Variants in GRIK1 observed in about 807,000 individuals in gnomAD.
The protein encoded by GRIK1 is glutamate ionotropic receptor kainate type subunit 1, also known as glutamate receptor ionotropic, kainate 1.
GRIK1 carries 69 observed loss-of-function variants against 105.7 expected under a neutral mutation model. The observed-to-expected ratio is 0.65, with a 90% CI of 0.54 to 0.80. The LOEUF (loss-of-function observed/expected upper bound fraction) is 0.80. Among genes scored for constraint, GRIK1 ranks in the 30% least tolerant of loss-of-function variants. The pLI is 0.00. For missense variants in GRIK1, 1,109 were observed against 1,167.3 expected, an observed-to-expected ratio of 0.95 and a Z score of 0.73; for synonymous variants, 438 against 431.3, an observed-to-expected ratio of 1.02 and a Z score of -0.19.
At chr21:29,577,250 C>A in intron 13 of GRIK1, 69 bp from the exon 14 acceptor site, 1 of 865,682 alleles carries the variant, frequency 1.2e-6, no homozygotes, top group South Asian at 1.4e-5. Flanking sequence ...TACAGTTCGA[C>A]ACTATTCTAG....
chr21:29,580,814 C>A (rs559874137), intron 13 of GRIK1, among the ~76,000 whole-genome samples: 1 of 152,158 alleles, frequency 6.6e-6, no homozygotes, highest in South Asian at 2.1e-4. Context: ...GCTCCCCCTT[C>A]CCCCACTACA....
intron 1 of GRIK1, among the ~76,000 whole-genome samples, chr21:29,819,919 A>G (rs540556473): frequency 6.6e-6 from 1 of 152,178 alleles, no homozygotes; most frequent in Non-Finnish European, 1.5e-5. Context: ...TCTTTGTTCA[A>G]ATAGTAGCTT....
At chr21:29,866,629 A>G (rs1288320317) in intron 1 of GRIK1, among the ~76,000 whole-genome samples, 1 of 152,180 alleles carries the variant, frequency 6.6e-6, no homozygotes. Context: ...GGAAGTGAAA[A>G]CAAAAGAAGT....
chr21:29,674,235 CTT>C (rs1183697091), intron 3 of GRIK1, among the ~76,000 whole-genome samples: 2 of 147,340 alleles, frequency 1.4e-5, no homozygotes, highest in African/African-American at 5.1e-5. Flanking sequence ...TCACATTTTT[CTT>C]TTTCTTGTTT....
At chr21:29,886,429 G>A (rs988243011) in intron 1 of GRIK1, among the ~76,000 whole-genome samples, 12 of 152,020 alleles carry the variant, frequency 7.9e-5, no homozygotes, top group Non-Finnish European at 8.8e-5. Context: ...CATTGTGTTG[G>A]CTACCACTGG....
intron 1 of GRIK1, among the ~76,000 whole-genome samples, chr21:29,909,168 G>A (rs457474): frequency 6.6e-6 from 1 of 151,736 alleles, no homozygotes; most frequent in African/African-American, 2.4e-5. Flanking sequence ...ATCAAGCCAC[G>A]AAATTTTTAA....
chr21:29,884,777 GAC>G (rs2069548762), intron 1 of GRIK1, among the ~76,000 whole-genome samples: 1 of 152,010 alleles, frequency 6.6e-6, no homozygotes, highest in African/African-American at 2.4e-5. Context: ...AGTTAAAACT[GAC>G]ACTAAACCTC....
rs1037040904 is a variant in GRIK1 at position 29,594,393 on chromosome 21, A to G, written c.1251+2133T>C. ...AAGATGCCTGGACATTTGACATTTC[A>G]GTACTGTTCTACGAACTAGGAGGAG... On this transcript the variant is annotated intron_variant, in intron 9 of 17. Coordinates refer to ENST00000327783, the MANE Select transcript of GRIK1 (RefSeq NM_001330994.2). Among the ~76,000 whole-genome samples, 9 of 152,220 alleles carry G rather than the reference A, an allele frequency of 5.9e-5. 1 individual carries two copies. Among genetic ancestry groups the G allele is most frequent in the Admixed American group, 2.0e-4 (3 of 15,278 alleles).
intron 1 of GRIK1, among the ~76,000 whole-genome samples, chr21:29,799,161 C>T (rs905430476): frequency 2.6e-5 from 4 of 152,188 alleles, no homozygotes; most frequent in Non-Finnish European, 5.9e-5. Flanking sequence ...TCACATCTTC[C>T]GTCTTGGACA....
intron 1 of GRIK1, among the ~76,000 whole-genome samples, chr21:29,800,212 GC>G (rs1189033859): frequency 1.3e-5 from 2 of 152,122 alleles, no homozygotes; most frequent in Non-Finnish European, 2.9e-5. Flanking sequence ...CAAAGCACTG[GC>G]CCTTTAGCTG....
chr21:29,855,924 G>C (rs941116062), intron 1 of GRIK1, among the ~76,000 whole-genome samples: 40 of 152,262 alleles, frequency 2.6e-4, no homozygotes, highest in African/African-American at 9.6e-4. Flanking sequence ...TTGAACAACT[G>C]GGTGGTTTGA....
intron 1 of GRIK1, among the ~76,000 whole-genome samples, chr21:29,724,060 G>A (rs1404112114): frequency 6.6e-6 from 1 of 152,166 alleles, no homozygotes; most frequent in Non-Finnish European, 1.5e-5. Flanking sequence ...TTTTGGAGAT[G>A]TACATATATA....
chr21:29,644,459 G>T (rs554438864), intron 6 of GRIK1, among the ~76,000 whole-genome samples: 3 of 152,286 alleles, frequency 2.0e-5, no homozygotes, highest in South Asian at 2.1e-4. Context: ...ATTTATTTTT[G>T]TGAGAACTGT....
intron 7 of GRIK1, among the ~76,000 whole-genome samples, chr21:29,599,203 C>A (rs551062688): frequency 6.6e-6 from 1 of 152,124 alleles, no homozygotes; most frequent in African/African-American, 2.4e-5. Context: ...AAAGAATTGC[C>A]GTAAAACAGT....
intron 1 of GRIK1, among the ~76,000 whole-genome samples, chr21:29,787,532 G>T (rs1396137197): frequency 1.3e-5 from 2 of 152,150 alleles, no homozygotes; most frequent in Non-Finnish European, 2.9e-5. Flanking sequence ...AATGGACTTT[G>T]CACAGCACAA....
chr21:29,905,619 ATTTTTTTTTTTT>A (rs869179451), intron 1 of GRIK1, among the ~76,000 whole-genome samples: 1 of 72,582 alleles, frequency 1.4e-5, no homozygotes, highest in South Asian at 5.1e-4. Context: ...CAAATTTTGT[ATTTTTTTTTTTT>A]TTTTTTTTTT....
chr21:29,887,948 G>T (rs746895051), intron 1 of GRIK1, among the ~76,000 whole-genome samples: 1 of 151,762 alleles, frequency 6.6e-6, no homozygotes, highest in Non-Finnish European at 1.5e-5. Context: ...CTTTCTGTCT[G>T]CAGGAAAAAG....
intron 1 of GRIK1, among the ~76,000 whole-genome samples, chr21:29,717,814 C>T (rs768764257): frequency 5.9e-5 from 9 of 152,154 alleles, no homozygotes; most frequent in Admixed American, 1.3e-4. Flanking sequence ...AATGTGAGAA[C>T]ATGAGATTTG....
rs2063703095 is a variant in GRIK1, at chr21:29,696,446, G to A, written c.119-2383C>T. On this transcript the variant is annotated intron_variant, in intron 1 of 17. Transcript: ENST00000327783. The stretch of plus-strand genomic sequence containing the variant: ...GTTTTACTTTTGTCAGACAATGGTA[G>A]GGAGAGACTCTGGAGTTGATTTTCA... Among the ~76,000 whole-genome samples, 4 of 152,330 alleles carry A rather than the reference G, an allele frequency of 2.6e-5. No homozygotes were observed. In the South Asian group the frequency reaches 8.3e-4, roughly 32 times the overall value.
Sources: allele counts gnomAD v4.1 joint callset (sites outside exome capture counted in the v4.1 genomes callset), GRCh38; gene constraint gnomAD v4.1.1; transcripts MANE v1.5; gene names NCBI Gene and HGNC (gene_info 2026-07-23, HGNC 2026-07-21).